The following NCOA1 variants were observed in gnomAD, a reference collection of about 807,000 sequenced individuals.
The protein encoded by NCOA1 is nuclear receptor coactivator 1.
A neutral mutation model predicts 150.9 loss-of-function variants in NCOA1; 35 were observed. The ratio of observed to expected loss-of-function variants is 0.23; its 90% CI spans 0.18 to 0.31. The LOEUF (loss-of-function observed/expected upper bound fraction) is 0.31. Ranked by LOEUF, NCOA1 falls within the 10% of genes least tolerant of loss-of-function variation. NCOA1 has a pLI of 1.00. For synonymous variants in NCOA1, 590 were observed against 630.0 expected (o/e 0.94, Z 0.95); for missense variants, 1,491 against 1,749.3 (o/e 0.85, Z 2.63).
intron 3 of NCOA1, among the ~76,000 whole-genome samples, chr2:24,591,209 C>T (rs1033011808): frequency 2.6e-5 from 4 of 152,078 alleles, no homozygotes; most frequent in Admixed American, 6.6e-5. Context: ...ATAATTTAAG[C>T]ACAAAGCCCA....
At chr2:24,743,413 G>C (rs1323998638) in intron 19 of NCOA1, among the ~76,000 whole-genome samples, 1 of 152,138 alleles carries the variant, frequency 6.6e-6, no homozygotes, top group Non-Finnish European at 1.5e-5. Flanking sequence ...TTGTGCCAGA[G>C]AGCACCAGAA....
intron 1 of NCOA1, among the ~76,000 whole-genome samples, chr2:24,525,322 G>C (rs1355429761): frequency 6.6e-6 from 1 of 152,126 alleles, no homozygotes; most frequent in Non-Finnish European, 1.5e-5. Flanking sequence ...AGATAAAAGT[G>C]AGTCAAGTTT....
chr2:24,733,481 C>T (rs896394945), intron 17 of NCOA1, among the ~76,000 whole-genome samples: 4 of 152,174 alleles, frequency 2.6e-5, no homozygotes, highest in African/African-American at 4.8e-5. Context: ...CAGTGGCTCA[C>T]GCCTGTAATC....
intron 1 of NCOA1, among the ~76,000 whole-genome samples, chr2:24,493,320 G>T (rs998435285): frequency 2.0e-5 from 3 of 152,176 alleles, no homozygotes; most frequent in African/African-American, 7.2e-5. Context: ...GGGAACAGTG[G>T]GTCACAGAGA....
At chr2:24,523,000 T>C (rs193243140) in intron 1 of NCOA1, among the ~76,000 whole-genome samples, 11 of 152,324 alleles carry the variant, frequency 7.2e-5, no homozygotes, top group Admixed American at 2.6e-4. Flanking sequence ...GCTTATCTTA[T>C]ATCAGGCATT....
At chr2:24,764,581 A>G (rs1181635913) in intron 22 of NCOA1, among the ~76,000 whole-genome samples, 2 of 152,366 alleles carry the variant, frequency 1.3e-5, no homozygotes, top group South Asian at 2.1e-4. Context: ...GGAAATAGTA[A>G]TATCTCAACA....
intron 2 of NCOA1, among the ~76,000 whole-genome samples, chr2:24,576,513 TC>T (rs1158038720): frequency 2.0e-5 from 3 of 152,174 alleles, no homozygotes; most frequent in African/African-American, 7.2e-5. Context: ...TTCTCAGGAA[TC>T]CCACTCCTGC....
intron 1 of NCOA1, among the ~76,000 whole-genome samples, chr2:24,540,894 A>C (rs1260874639): frequency 6.6e-6 from 1 of 152,194 alleles, no homozygotes; most frequent in African/African-American, 2.4e-5. Flanking sequence ...CAGAAGGGGG[A>C]TTCTAGACTA....
intron 6 of NCOA1, among the ~76,000 whole-genome samples, chr2:24,666,892 A>G (rs1234930713): frequency 6.6e-6 from 1 of 152,030 alleles, no homozygotes; most frequent in Admixed American, 6.6e-5. Flanking sequence ...ATTTACTGGA[A>G]CCCCATACCA....
chr2:24,707,222 T>C lies in NCOA1; in HGVS notation c.1752T>C (p.Asp584=). 6.2e-7 allele frequency: 1 copy of C among 1,614,140 alleles called. No homozygotes were observed. The highest frequency in any genetic ancestry group is 1.1e-5 in the South Asian group (1 of 91,084). Residue 584 remains aspartate (D), a synonymous_variant, in exon 13 of 23, where the codon GAT becomes GAC. Coordinates refer to ENST00000348332, the MANE Select transcript of NCOA1 (RefSeq NM_003743.5). Reference sequence around the variant, plus strand: ...AACCAGCAAAAGCTGAGTCCAAAGATAACAAAGAGATTGCCTCAATTTTAA... The same window carrying C: ...AACCAGCAAAAGCTGAGTCCAAAGACAACAAAGAGATTGCCTCAATTTTAA... ...NIQPAKAESK[D]NKEIASILNE...
In NCOA1 at chr2:24,742,162, A is replaced by C; in HGVS notation, c.3682A>C (p.Asn1228His). Residue 1228 changes from asparagine to histidine, a missense_variant, in exon 19 of 23, where the codon AAT becomes CAT. Physicochemically the swap from Asn to His is moderately conservative, Grantham distance 68. Transcript: ENST00000348332. ...GTGINPQMQQ[N>H]VFQYPGAGMV... ...TGGAATCAATCCTCAGATGCAGCAG[A>C]ATGTCTTCCAGTATCCAGGAGCAGG... 6.2e-7 allele frequency: 1 copy of C among 1,613,198 alleles called. No homozygotes were observed. Among genetic ancestry groups the C allele is most frequent in the Non-Finnish European group, 8.5e-7 (1 of 1,179,470 alleles).
At chr2:24,736,833 A>T (rs182806130) in intron 17 of NCOA1, among the ~76,000 whole-genome samples, 3 of 152,240 alleles carry the variant, frequency 2.0e-5, no homozygotes, top group African/African-American at 7.2e-5. Context: ...ATGTCTTCAG[A>T]TATTGCCAGA....
intron 14 of NCOA1, among the ~76,000 whole-genome samples, chr2:24,718,216 T>G (rs1674157284): frequency 1.3e-5 from 2 of 152,098 alleles, no homozygotes; most frequent in African/African-American, 4.8e-5. Flanking sequence ...CTTAACATCT[T>G]TAATCATCAA....
In NCOA1 at chr2:24,665,934, A is replaced by C; in HGVS notation, c.256+19A>C. The stretch of plus-strand genomic sequence containing the variant: ...GAACAAGGTAAAAAAGAAAAAGAAA[A>C]CCCATGGCTGTGTGCTTTGTTATTA... On this transcript the variant is annotated intron_variant, in intron 6 of 22. Transcript: ENST00000348332. 1 of 1,395,880 alleles carries C rather than the reference A, an allele frequency of 7.2e-7. No homozygotes were observed. The highest frequency in any genetic ancestry group is 9.4e-7 in the Non-Finnish European group (1 of 1,064,260). 86.5% of individuals were successfully genotyped at this position (1,395,880 alleles called of 1,614,324 possible).
intron 2 of NCOA1, among the ~76,000 whole-genome samples, chr2:24,570,138 G>A (rs547264894): frequency 2.7e-5 from 4 of 147,690 alleles, no homozygotes; most frequent in South Asian, 2.1e-4. Context: ...CTGGGTCCAC[G>A]TTCAATCATA....
chr2:24,549,285 T>C (rs1409858603), intron 1 of NCOA1, among the ~76,000 whole-genome samples: 1 of 152,190 alleles, frequency 6.6e-6, no homozygotes, highest in African/African-American at 2.4e-5. Flanking sequence ...CTGGAGTGGC[T>C]GGCACACAGG....
chr2:24,529,419 T>C (rs1279725455), intron 1 of NCOA1, among the ~76,000 whole-genome samples: 1 of 152,210 alleles, frequency 6.6e-6, no homozygotes, highest in Admixed American at 6.5e-5. Flanking sequence ...CCTTGAATTC[T>C]TGGGCATAAG....
At chr2:24,497,669 C>T (rs1007138724) in intron 1 of NCOA1, among the ~76,000 whole-genome samples, 3 of 149,376 alleles carry the variant, frequency 2.0e-5, no homozygotes, top group African/African-American at 7.4e-5. Flanking sequence ...GAGACTCCAT[C>T]TCAAAAAAAA....
chr2:24,736,318 G>T (rs1663301493), intron 17 of NCOA1, among the ~76,000 whole-genome samples: 1 of 151,884 alleles, frequency 6.6e-6, no homozygotes, highest in African/African-American at 2.4e-5. Context: ...TCCCCAGCAA[G>T]GATCATGATC....
Sources: allele counts gnomAD v4.1 joint callset (sites outside exome capture counted in the v4.1 genomes callset), GRCh38; gene constraint gnomAD v4.1.1; transcripts MANE v1.5; gene names NCBI Gene and HGNC (gene_info 2026-07-23, HGNC 2026-07-21).